GRM7: variants seen among roughly 807,000 people sequenced by gnomAD.
The protein encoded by GRM7 is metabotropic glutamate receptor 7.
A neutral mutation model predicts 84.5 loss-of-function variants in GRM7; 35 were observed. That is an observed-to-expected ratio of 0.41 (90% CI 0.32 to 0.55). The LOEUF (loss-of-function observed/expected upper bound fraction) is 0.55. GRM7 is among the 20% of genes least tolerant of loss of function. GRM7 has a pLI of 0.19. For missense variants in GRM7, 1,003 were observed against 1,194.6 expected, an observed-to-expected ratio of 0.84 and a Z score of 2.36; for synonymous variants, 487 against 455.1, an observed-to-expected ratio of 1.07 and a Z score of -0.89.
chr3:7,239,493 C>T (rs1195688161), intron 2 of GRM7, among the ~76,000 whole-genome samples: 1 of 152,028 alleles, frequency 6.6e-6, no homozygotes, highest in Non-Finnish European at 1.5e-5. Context: ...TATATAGCAC[C>T]GTACCCAGCT....
intron 8 of GRM7, among the ~76,000 whole-genome samples, chr3:7,640,026 A>G (rs891569473): frequency 6.6e-6 from 1 of 152,204 alleles, no homozygotes; most frequent in Non-Finnish European, 1.5e-5. Context: ...GTATATATAC[A>G]GCCCTGTATT....
chr3:7,468,842 AC>A (rs1353950094), intron 7 of GRM7, among the ~76,000 whole-genome samples: 6 of 151,900 alleles, frequency 3.9e-5, no homozygotes, highest in African/African-American at 1.5e-4. Context: ...GGTCCTTGCT[AC>A]CCCTTCACGA....
chr3:7,346,219 G>A (rs1009610250), intron 4 of GRM7, among the ~76,000 whole-genome samples: 4 of 152,118 alleles, frequency 2.6e-5, no homozygotes, highest in South Asian at 2.1e-4. Context: ...TACTGTAAAA[G>A]TATTGATCTC....
chr3:7,274,647 A>G (rs889083454), intron 2 of GRM7, among the ~76,000 whole-genome samples: 2 of 152,022 alleles, frequency 1.3e-5, no homozygotes, highest in Non-Finnish European at 2.9e-5. Context: ...AATTCTTATC[A>G]TTATTTCTCT....
chr3:7,376,668 C>T (rs1694364235), intron 4 of GRM7, among the ~76,000 whole-genome samples: 1 of 152,170 alleles, frequency 6.6e-6, no homozygotes, highest in African/African-American at 2.4e-5. Context: ...TGCTCTTTTG[C>T]TTATGTATTG....
At chr3:7,144,440 A>T (rs1228345010) in intron 1 of GRM7, among the ~76,000 whole-genome samples, 1 of 152,236 alleles carries the variant, frequency 6.6e-6, no homozygotes, top group Non-Finnish European at 1.5e-5. Context: ...CTTTGAAAGC[A>T]GTAATGAAAG....
At chr3:7,446,450 GTTTT>G (rs1183364092) in intron 5 of GRM7, among the ~76,000 whole-genome samples, 2 of 108,032 alleles carry the variant, frequency 1.9e-5, no homozygotes, top group African/African-American at 6.3e-5. Flanking sequence ...TTTTGGTCTT[GTTTT>G]TTTTTTTTTG....
intron 2 of GRM7, 32 bp downstream of exon 2, chr3:7,146,700 C>G (rs375461587): frequency 3.8e-5 from 56 of 1,476,710 alleles, no homozygotes; most frequent in Middle Eastern, 1.7e-4. Flanking sequence ...CAAGCTGGCT[C>G]TCTTCAAACG....
chr3:6,890,886 T>C (rs1170705888), intron 1 of GRM7, among the ~76,000 whole-genome samples: 2 of 152,192 alleles, frequency 1.3e-5, no homozygotes, highest in South Asian at 2.1e-4. Flanking sequence ...TGTAGGTCAC[T>C]CAGGACTTGC....
chr3:7,031,779 G>A (rs972571943), intron 1 of GRM7, among the ~76,000 whole-genome samples: 49 of 151,922 alleles, frequency 3.2e-4, no homozygotes, highest in Non-Finnish European at 6.2e-4. Flanking sequence ...CATGTAGAAC[G>A]TATGCTGTGA....
intron 5 of GRM7, among the ~76,000 whole-genome samples, chr3:7,449,748 C>T (rs548029924): frequency 2.4e-4 from 37 of 152,078 alleles, no homozygotes; most frequent in Non-Finnish European, 5.1e-4. Flanking sequence ...ACAATAACTG[C>T]ATAGCTATAT....
chr3:7,289,600 A>T (rs1402735755), intron 2 of GRM7, among the ~76,000 whole-genome samples: 1 of 152,148 alleles, frequency 6.6e-6, no homozygotes, highest in African/African-American at 2.4e-5. Flanking sequence ...AAAGACTTGG[A>T]ACCAACCCAA....
intron 1 of GRM7, among the ~76,000 whole-genome samples, chr3:7,034,011 TTATGG>T (rs1162847213): frequency 6.6e-6 from 1 of 152,196 alleles, no homozygotes; most frequent in Non-Finnish European, 1.5e-5. Flanking sequence ...ATTACAGGTC[TTATGG>T]TATGAATCTT....
chr3:7,608,513 ATTTAGG>A (rs1696699565), intron 8 of GRM7, among the ~76,000 whole-genome samples: 1 of 151,992 alleles, frequency 6.6e-6, no homozygotes, highest in Admixed American at 6.6e-5. Context: ...TGTTGGTTGT[ATTTAGG>A]TCTTCTTTTG....
intron 4 of GRM7, among the ~76,000 whole-genome samples, chr3:7,405,273 A>G (rs1438772944): frequency 6.6e-6 from 1 of 152,224 alleles, no homozygotes; most frequent in East Asian, 1.9e-4. Context: ...TTAGCTTTTT[A>G]AAGCACCAAG....
rs78020776 is a variant in GRM7, at chr3:7,258,020, C to T, written c.737-40664C>T. On this transcript the variant is annotated intron_variant, in intron 2 of 9. Transcript: ENST00000357716. ...AGCACTTATTCTCATCCTTATACCC[C>T]AACTCTAAAAGTGAGGTAGTATTTG... Among the ~76,000 whole-genome samples the T allele has an allele frequency of 2.8e-3, 422 of 152,222 alleles. 2 individuals carry two copies. Among genetic ancestry groups the T allele is most frequent in the African/African-American group, 9.8e-3 (409 of 41,532 alleles).
intron 1 of GRM7, among the ~76,000 whole-genome samples, chr3:7,033,406 C>G (rs557321887): frequency 1.6e-4 from 25 of 151,982 alleles, no homozygotes; most frequent in Non-Finnish European, 3.2e-4. Flanking sequence ...ATATGAAGAA[C>G]CTAAAATCAA....
chr3:6,874,050 C>T (rs908058837), intron 1 of GRM7, among the ~76,000 whole-genome samples: 38 of 152,318 alleles, frequency 2.5e-4, no homozygotes, highest in African/African-American at 7.7e-4. Context: ...CACATACTGA[C>T]GGGGAACTTA....
At chr3:6,960,820 G>A (rs569075059) in intron 1 of GRM7, among the ~76,000 whole-genome samples, 5 of 152,236 alleles carry the variant, frequency 3.3e-5, no homozygotes, top group African/African-American at 1.2e-4. Context: ...GGTGGGGCCT[G>A]GGGGTTGGAT....
Sources: gnomAD v4.1 joint callset for allele counts (sites outside exome capture counted in the v4.1 genomes callset) on GRCh38, gnomAD v4.1.1 for gene constraint, MANE v1.5 for transcripts, NCBI Gene and HGNC (gene_info 2026-07-23, HGNC 2026-07-21) for gene names.